The following FMN2 variants were observed in gnomAD, a reference collection of about 807,000 sequenced individuals.
FMN2 encodes the protein formin 2.
In FMN2, 51 loss-of-function variants were observed where a neutral mutation model predicts 142.3. The observed-to-expected ratio is 0.36, with a 90% CI of 0.29 to 0.45. FMN2 has a LOEUF of 0.45. FMN2 is among the 20% of genes least tolerant of loss of function. FMN2 has a pLI of 1.00. For missense variants in FMN2, 1,936 were observed against 2,122.8 expected (o/e 0.91, Z 1.73); for synonymous variants, 882 against 869.8 (o/e 1.01, Z -0.25).
chr1:240,382,736 C>T (rs189557606), intron 14 of FMN2, among the ~76,000 whole-genome samples: 21 of 151,970 alleles, frequency 1.4e-4, no homozygotes, highest in African/African-American at 9.7e-5. Context: ...ATCAAATTAC[C>T]GACATCATTT....
intron 6 of FMN2, among the ~76,000 whole-genome samples, chr1:240,217,651 T>G (rs1666954588): frequency 6.6e-6 from 1 of 152,052 alleles, no homozygotes; most frequent in South Asian, 2.1e-4. Context: ...TTTAAGATGT[T>G]GAAAGATTTA....
At chr1:240,307,519 T>G (rs1670451330) in intron 8 of FMN2, among the ~76,000 whole-genome samples, 1 of 152,230 alleles carries the variant, frequency 6.6e-6, no homozygotes, top group Non-Finnish European at 1.5e-5. Context: ...CTCCATTGTT[T>G]ATTTCTGCTA....
chr1:240,150,908 C>T (rs981276658), intron 2 of FMN2, among the ~76,000 whole-genome samples: 52 of 152,160 alleles, frequency 3.4e-4, no homozygotes, highest in African/African-American at 1.0e-3. Flanking sequence ...TACATCCACA[C>T]ATGTTAGCAT....
intron 13 of FMN2, among the ~76,000 whole-genome samples, chr1:240,348,426 T>A (rs1359349737): frequency 6.6e-6 from 1 of 152,068 alleles, no homozygotes; most frequent in Admixed American, 6.5e-5. Flanking sequence ...TTTCGCCATG[T>A]TGACCAGGTT....
chr1:240,255,172 G>A (rs565966525), intron 6 of FMN2, among the ~76,000 whole-genome samples: 2 of 152,270 alleles, frequency 1.3e-5, no homozygotes, highest in South Asian at 4.2e-4. Flanking sequence ...GCCGATCCTG[G>A]CTGAGCAGAC....
chr1:240,441,733 G>A (rs1675629037), intron 16 of FMN2, among the ~76,000 whole-genome samples: 1 of 150,396 alleles, frequency 6.6e-6, no homozygotes, highest in East Asian at 2.0e-4. Context: ...CCTCATATCT[G>A]GTATAGCTCT....
intron 4 of FMN2, among the ~76,000 whole-genome samples, chr1:240,203,833 A>G (rs1666223151): frequency 6.6e-6 from 1 of 152,004 alleles, no homozygotes; most frequent in African/African-American, 2.4e-5. Flanking sequence ...ATAATAAAAA[A>G]AGGTTATTTT....
chr1:240,261,516 T>C (rs1180629821), intron 7 of FMN2, among the ~76,000 whole-genome samples: 2 of 152,222 alleles, frequency 1.3e-5, no homozygotes, highest in African/African-American at 4.8e-5. Flanking sequence ...TCATTTACTT[T>C]GTAATGTTTA....
intron 14 of FMN2, among the ~76,000 whole-genome samples, chr1:240,367,593 C>T (rs1372328090): frequency 1.3e-5 from 2 of 151,470 alleles, no homozygotes; most frequent in Admixed American, 1.3e-4. Flanking sequence ...ACGGTGAAAC[C>T]CCATCTCTAC....
chr1:240,295,189 T>G (rs1669925917), intron 8 of FMN2, among the ~76,000 whole-genome samples: 1 of 144,080 alleles, frequency 6.9e-6, no homozygotes, highest in Admixed American at 6.8e-5. Flanking sequence ...GTGCACTTCA[T>G]ACACACACAC....
intron 14 of FMN2, among the ~76,000 whole-genome samples, chr1:240,369,203 T>G (rs1672783516): frequency 6.6e-6 from 1 of 152,122 alleles, no homozygotes; most frequent in Non-Finnish European, 1.5e-5. Flanking sequence ...TTGGTTTTGT[T>G]TTTAGTTGAG....
chr1:240,093,057 C>A lies in FMN2; in HGVS notation c.948C>A (p.Asp316Glu). 7.2e-7 allele frequency: 1 copy of A among 1,393,764 alleles called. No individual in the cohort carries two copies. The highest frequency in any genetic ancestry group is 9.2e-7 in the Non-Finnish European group (1 of 1,083,454). 86.3% of individuals were successfully genotyped at this position (1,393,764 alleles called of 1,614,324 possible). ...SLPAAQPAAK[D>E]SPSSTAFPFP... ...CGGCAGCGCAACCCGCGGCCAAAGACTCGCCCTCCTCCACGGCTTTCCCAT... is the reference window on the plus strand; with the variant it reads ...CGGCAGCGCAACCCGCGGCCAAAGAATCGCCCTCCTCCACGGCTTTCCCAT... The change falls in exon 1 of 18, where the codon GAC becomes GAA. Residue 316 changes from aspartate to glutamate, a missense_variant. Asp to Glu is a conservative substitution (Grantham distance 45). Around this residue, in one of 8 missense-constraint regions of FMN2, gnomAD observed 751 missense variants for 791.8 expected, o/e 0.95. Coordinates refer to ENST00000319653, the MANE Select transcript of FMN2 (RefSeq NM_020066.5).
At chr1:240,434,614 T>A (rs1011641308) in intron 15 of FMN2, among the ~76,000 whole-genome samples, 34 of 151,784 alleles carry the variant, frequency 2.2e-4, no homozygotes, top group African/African-American at 8.2e-4. Flanking sequence ...CAGGCTGGAG[T>A]GCAGTGACGC....
chr1:240,241,115 A>G (rs894977288), intron 6 of FMN2, among the ~76,000 whole-genome samples: 1 of 152,186 alleles, frequency 6.6e-6, no homozygotes, highest in Non-Finnish European at 1.5e-5. Flanking sequence ...CAAACTGTGA[A>G]ATTTAGAAAT....
intron 6 of FMN2, among the ~76,000 whole-genome samples, chr1:240,254,771 C>T (rs1345244905): frequency 2.0e-5 from 3 of 152,096 alleles, no homozygotes; most frequent in East Asian, 1.9e-4. Context: ...GCAGCAGGGT[C>T]GTTGGCAAAG....
chr1:240,289,294 A>G (rs1271563975), intron 7 of FMN2, among the ~76,000 whole-genome samples: 2 of 152,144 alleles, frequency 1.3e-5, no homozygotes, highest in African/African-American at 4.8e-5. Flanking sequence ...GATTTTAAAA[A>G]ATATCAATGT....
intron 6 of FMN2, among the ~76,000 whole-genome samples, chr1:240,214,004 T>TC (rs1374538460): frequency 6.6e-6 from 1 of 152,244 alleles, no homozygotes; most frequent in African/African-American, 2.4e-5. Flanking sequence ...AAATCCTTTT[T>TC]TCTCCAAAGA....
At chr1:240,202,329 A>AG (rs1666156744) in intron 4 of FMN2, among the ~76,000 whole-genome samples, 2 of 151,858 alleles carry the variant, frequency 1.3e-5, no homozygotes, top group Admixed American at 6.6e-5. Context: ...GTTAAAAAAA[A>AG]TCCCAGGAAT....
intron 16 of FMN2, among the ~76,000 whole-genome samples, chr1:240,456,583 A>G (rs572068139): frequency 1.3e-5 from 2 of 152,254 alleles, no homozygotes; most frequent in South Asian, 4.1e-4. Context: ...CAGCGTCCCC[A>G]GTAGCTGGGA....
Sources: allele counts gnomAD v4.1 joint callset (sites outside exome capture counted in the v4.1 genomes callset), GRCh38; gene constraint gnomAD v4.1.1; regional missense constraint gnomAD v4.1.1; transcripts MANE v1.5; gene names NCBI Gene and HGNC (gene_info 2026-07-23, HGNC 2026-07-21).